Variants in LIG1 observed in about 807,000 individuals in gnomAD.
LIG1 encodes DNA ligase 1, also known as ligase I, DNA, ATP-dependent.
Under a neutral mutation model 115.7 loss-of-function variants are expected in LIG1, and 70 were observed. That is an observed-to-expected ratio of 0.60 (90% CI 0.50 to 0.74). LIG1 has a LOEUF of 0.74. Among genes scored for constraint, LIG1 ranks in the 30% least tolerant of loss-of-function variants. The pLI, the probability that LIG1 is intolerant of heterozygous loss-of-function variation, is 0.00. For missense variants in LIG1, 1,115 were observed against 1,225.6 expected, an observed-to-expected ratio of 0.91 and a Z score of 1.35; for synonymous variants, 487 against 495.3, an observed-to-expected ratio of 0.98 and a Z score of 0.22.
At chr19:48,169,916 C>CCCCT (rs2036706241) in intron 1 of LIG1, 1 of 147,914 alleles carries the variant, frequency 6.8e-6, no homozygotes, top group African/African-American at 2.7e-5. Context: ...AGTTTTCCCC[C>CCCCT]CCCCGGCCCC....
At chr19:48,138,977 C>A (rs992666825) in intron 12 of LIG1, among the ~76,000 whole-genome samples, 2 of 152,268 alleles carry the variant, frequency 1.3e-5, no homozygotes, top group African/African-American at 2.4e-5. Flanking sequence ...CTTTCTCAGT[C>A]CCTCTGTCCT....
chr19:48,123,044 T>C, intron 22 of LIG1, 28 bp from the exon 23 acceptor site: 7 of 1,612,616 alleles, frequency 4.3e-6, no homozygotes, highest in Non-Finnish European at 5.9e-6. Flanking sequence ...GCGTGGTCCT[T>C]GGGAAGCCCT....
intron 1 of LIG1, chr19:48,170,028 T>C (rs1599910621): frequency 9.7e-5 from 33 of 339,824 alleles, no homozygotes; most frequent in South Asian, 6.4e-4. Context: ...TCGTCTACCC[T>C]CTACCTGGCC....
chr19:48,131,534 A>C (rs274885), intron 18 of LIG1, among the ~76,000 whole-genome samples: 72,595 of 152,070 alleles, frequency 0.48, 17,795 homozygotes, highest in East Asian at 0.75. Context: ...TCTCTGCTCA[A>C]TGCAACCTCC....
At chr19:48,156,660 T>C (rs1468577079) in intron 5 of LIG1, among the ~76,000 whole-genome samples, 1 of 152,120 alleles carries the variant, frequency 6.6e-6, no homozygotes, top group African/African-American at 2.4e-5. Flanking sequence ...GGCAGGCGAC[T>C]GGCTGGGTGC....
At chr19:48,141,342 G>A (rs1316621079) in intron 11 of LIG1, among the ~76,000 whole-genome samples, 1 of 152,122 alleles carries the variant, frequency 6.6e-6, no homozygotes, top group African/African-American at 2.4e-5. Flanking sequence ...GTGTTGGTCA[G>A]GCTGGTCTCG....
chr19:48,157,226 C>T (rs1157238408), intron 4 of LIG1, 86 bp from the exon 5 acceptor site: 1 of 1,418,688 alleles, frequency 7.0e-7, no homozygotes, highest in Non-Finnish European at 9.6e-7. Flanking sequence ...GGACTGAAAC[C>T]TCTCTGTCTA....
At chr19:48,160,324 G>A (rs910457135) in intron 4 of LIG1, among the ~76,000 whole-genome samples, 2 of 152,212 alleles carry the variant, frequency 1.3e-5, no homozygotes, top group African/African-American at 4.8e-5. Flanking sequence ...AGCCAGGCGT[G>A]TATCTGGGAA....
At chr19:48,135,657 T>C in intron 16 of LIG1, 23 bp downstream of exon 16, 1 of 1,563,036 alleles carries the variant, frequency 6.4e-7, no homozygotes, top group Non-Finnish European at 8.8e-7. Context: ...CCCTGGCAAC[T>C]CCACCCACTG....
intron 19 of LIG1, among the ~76,000 whole-genome samples, chr19:48,129,429 C>A (rs1055271291): frequency 6.6e-6 from 1 of 152,208 alleles, no homozygotes; most frequent in African/African-American, 2.4e-5. Context: ...ACAGAGCCAG[C>A]TGCAGGACTC....
At chr19:48,165,905 T>C (rs1304034065) in intron 1 of LIG1, among the ~76,000 whole-genome samples, 1 of 144,006 alleles carries the variant, frequency 6.9e-6, no homozygotes, top group Non-Finnish European at 1.5e-5. Context: ...TGAAATGGGT[T>C]TTTTTGGAGT....
intron 17 of LIG1, 191 bp from the exon 18 acceptor site, chr19:48,133,288 G>C: frequency 1.7e-6 from 1 of 601,510 alleles, no homozygotes; most frequent in South Asian, 1.9e-5. Flanking sequence ...CCTTCCAGGT[G>C]GGAAAGGCCA....
chr19:48,117,959 T>C (rs2032982850), intron 25 of LIG1, 178 bp from the exon 26 acceptor site: 3 of 651,648 alleles, frequency 4.6e-6, no homozygotes, highest in Non-Finnish European at 8.1e-6. Flanking sequence ...TAAACAGAAA[T>C]AGAAAGAGAA....
rs2036171910 is a variant in LIG1 at position 48,161,457 on chromosome 19, A to G, written c.158T>C (p.Val53Ala). The G allele has an allele frequency of 6.2e-7, 1 of 1,613,840 alleles. No individual in the cohort carries two copies. Among genetic ancestry groups the G allele is most frequent in the Non-Finnish European group, 8.5e-7 (1 of 1,180,000 alleles). ...GGCCGCCTTCCTCCCTGGCCTCTTC[A>G]CCGGAGAGTCACTCTCGGACACCAC... ...NGVVSESDSP[V>A]KRPGRKAARV... Residue 53 changes from valine (V) to alanine (A), a missense_variant, in exon 4 of 28, where the codon GTG becomes GCG. Coordinates refer to ENST00000263274, the MANE Select transcript of LIG1 (RefSeq NM_000234.3).
At chr19:48,168,545 GC>G (rs1219327955) in intron 1 of LIG1, among the ~76,000 whole-genome samples, 1 of 152,066 alleles carries the variant, frequency 6.6e-6, no homozygotes, top group Non-Finnish European at 1.5e-5. Context: ...TGTGTATTTG[GC>G]CCACAGAGAC....
At chr19:48,135,169 T>C (rs575609527) in intron 16 of LIG1, among the ~76,000 whole-genome samples, 3 of 152,308 alleles carry the variant, frequency 2.0e-5, no homozygotes, top group Admixed American at 6.5e-5. Flanking sequence ...TTTAAGACAG[T>C]CTCACTCTGT....
chr19:48,140,746 G>C (rs952624308), intron 11 of LIG1, among the ~76,000 whole-genome samples: 8 of 151,924 alleles, frequency 5.3e-5, no homozygotes, highest in Admixed American at 4.6e-4. Context: ...ATCCCACCCA[G>C]GAACAGAAGA....
rs902920047 is a variant in LIG1, at chr19:48,134,186, C to T, written c.1524-120G>A. ...CTGGATGCCTCTGCCCACTGAGTCACCACCTGCCAAGCTCCTCTTGCCACC... is the reference window on the plus strand; with the variant it reads ...CTGGATGCCTCTGCCCACTGAGTCATCACCTGCCAAGCTCCTCTTGCCACC... On this transcript the variant is annotated intron_variant, in intron 16 of 27. Transcript: ENST00000263274. 1.9e-5 allele frequency: 16 copies of T among 821,744 alleles called. No individual in the cohort carries two copies. The Admixed American group carries it at 3.4e-4, about 18-fold the overall frequency. 50.9% of individuals were successfully genotyped at this position (821,744 alleles called of 1,614,324 possible).
intron 5 of LIG1, among the ~76,000 whole-genome samples, chr19:48,154,738 C>A (rs760595519): frequency 4.6e-5 from 7 of 152,212 alleles, no homozygotes; most frequent in Non-Finnish European, 7.3e-5. Context: ...GGCCATTGCG[C>A]CACCTGGTCC....
Sources: gnomAD v4.1 joint callset for allele counts (sites outside exome capture counted in the v4.1 genomes callset) on GRCh38, gnomAD v4.1.1 for gene constraint, MANE v1.5 for transcripts, NCBI Gene and HGNC (gene_info 2026-07-23, HGNC 2026-07-21) for gene names.